The following PLCB1 variants were observed in gnomAD, a reference collection of about 807,000 sequenced individuals.
PLCB1 encodes phospholipase C beta 1.
PLCB1 carries 46 observed loss-of-function variants against 161.8 expected under a neutral mutation model. The ratio of observed to expected loss-of-function variants is 0.28; its 90% CI spans 0.22 to 0.36. PLCB1 has a LOEUF of 0.36. PLCB1 is among the 10% of genes least tolerant of loss of function. The pLI, the probability that PLCB1 is intolerant of heterozygous loss-of-function variation, is 1.00. For synonymous variants in PLCB1, 517 were observed against 503.7 expected, an observed-to-expected ratio of 1.03 and a Z score of -0.35; for missense variants, 1,016 against 1,472.5, an observed-to-expected ratio of 0.69 and a Z score of 5.07.
intron 3 of PLCB1, among the ~76,000 whole-genome samples, chr20:8,393,811 A>C (rs1348667844): frequency 4.6e-5 from 7 of 152,144 alleles, no homozygotes; most frequent in African/African-American, 1.2e-4. Flanking sequence ...ATTTATTATG[A>C]AGTTAACCAC....
intron 31 of PLCB1, among the ~76,000 whole-genome samples, chr20:8,796,857 T>A (rs1984051028): frequency 6.6e-6 from 1 of 152,248 alleles, no homozygotes; most frequent in South Asian, 2.1e-4. Flanking sequence ...TCATGGTTCA[T>A]TTAGATATGT....
At chr20:8,708,012 A>G (rs964999639) in intron 11 of PLCB1, among the ~76,000 whole-genome samples, 1 of 152,060 alleles carries the variant, frequency 6.6e-6, no homozygotes, top group Non-Finnish European at 1.5e-5. Flanking sequence ...GCCTGGGACT[A>G]GGTGTGTGGG....
intron 3 of PLCB1, among the ~76,000 whole-genome samples, chr20:8,541,258 C>G (rs1421262682): frequency 3.3e-5 from 5 of 152,178 alleles, no homozygotes; most frequent in African/African-American, 1.2e-4. Context: ...CACTAATGCT[C>G]TCCAAATATT....
chr20:8,825,772 A>G lies in PLCB1; in HGVS notation c.3423+35511A>G, dbSNP rs1309957188. 5.3e-5 allele frequency among the ~76,000 whole-genome samples: 8 copies of G among 152,196 alleles called. No individual in the cohort carries two copies. In the East Asian group the frequency reaches 1.3e-3, roughly 26 times the overall value. On this transcript the variant is annotated intron_variant, in intron 31 of 31. Coordinates refer to ENST00000338037, the MANE Select transcript of PLCB1 (RefSeq NM_015192.4). ...GGGTAGAAGGGGCAAGCGGGTTGCA[A>G]AAGATTAGCTAGGGATATTATGTTA... is the stretch of plus-strand genomic sequence containing the variant.
chr20:8,478,720 C>T (rs996495362), intron 3 of PLCB1, among the ~76,000 whole-genome samples: 1 of 151,980 alleles, frequency 6.6e-6, no homozygotes, highest in Non-Finnish European at 1.5e-5. Context: ...ATTTTTTCCT[C>T]AAAATTATAG....
chr20:8,543,730 T>C (rs562929049), intron 3 of PLCB1, among the ~76,000 whole-genome samples: 33 of 151,714 alleles, frequency 2.2e-4, no homozygotes, highest in Non-Finnish European at 4.1e-4. Flanking sequence ...GGGAGGGACC[T>C]TGGGGGTGGT....
At chr20:8,140,694 TTAAAAC>T (rs1411802906) in intron 1 of PLCB1, among the ~76,000 whole-genome samples, 2 of 152,356 alleles carry the variant, frequency 1.3e-5, no homozygotes, top group East Asian at 3.9e-4. Context: ...GAATAGGAAT[TTAAAAC>T]TACGTCTTCT....
chr20:8,871,630 G>C (rs772185971), intron 31 of PLCB1, among the ~76,000 whole-genome samples: 19 of 152,078 alleles, frequency 1.2e-4, no homozygotes, highest in Non-Finnish European at 2.8e-4. Flanking sequence ...GCCTTGCATG[G>C]GTCAGAGTGT....
At chr20:8,591,966 T>C (rs1490240168) in intron 3 of PLCB1, among the ~76,000 whole-genome samples, 1 of 152,130 alleles carries the variant, frequency 6.6e-6, no homozygotes, top group African/African-American at 2.4e-5. Context: ...TGCATATACA[T>C]CGTGAGATAT....
Position 8,596,611 on chromosome 20 carries a change from T to A in PLCB1, c.247-31683T>A, listed in dbSNP as rs1256866111. Among the ~76,000 whole-genome samples the A allele has an allele frequency of 1.2e-3, 119 of 99,928 alleles. No individual in the cohort carries two copies. In the South Asian group the frequency reaches 0.015, roughly 13 times the overall value. The allele number at this position is 99,928 out of a possible 152,430, so 65.6% of individuals were successfully genotyped here. ...TCTTTTTTTGGTTCCATATGAACTT[T>A]AAAGTAGTTTTTTCCAATTCTGTGA... is the stretch of plus-strand genomic sequence containing the variant. On this transcript the variant is annotated intron_variant, in intron 3 of 31. Coordinates refer to ENST00000338037, the MANE Select transcript of PLCB1 (RefSeq NM_015192.4).
At chr20:8,658,447 A>T in intron 8 of PLCB1, 91 bp from the exon 9 acceptor site, 1 of 983,276 alleles carries the variant, frequency 1.0e-6, no homozygotes, top group Non-Finnish European at 1.5e-6. Context: ...CTTATCAAGT[A>T]TAAGATTTTA....
intron 3 of PLCB1, among the ~76,000 whole-genome samples, chr20:8,539,615 ATTTT>A (rs1230707753): frequency 1.7e-5 from 2 of 117,264 alleles, no homozygotes; most frequent in Non-Finnish European, 1.8e-5. Context: ...TCTTTTCTTT[ATTTT>A]CTTTCTTTCT....
intron 9 of PLCB1, among the ~76,000 whole-genome samples, chr20:8,683,327 T>C (rs1433069123): frequency 6.6e-6 from 1 of 152,036 alleles, no homozygotes; most frequent in Non-Finnish European, 1.5e-5. Flanking sequence ...TCTCTCTGTT[T>C]ATCTCATTTC....
chr20:8,317,914 T>G (rs2122147910), intron 2 of PLCB1, among the ~76,000 whole-genome samples: 1 of 152,284 alleles, frequency 6.6e-6, no homozygotes, highest in Admixed American at 6.5e-5. Context: ...ACTCTCTTTT[T>G]TTAAAATTAT....
intron 9 of PLCB1, among the ~76,000 whole-genome samples, chr20:8,662,421 ATTAT>A (rs555975640): frequency 7.3e-5 from 9 of 124,106 alleles, no homozygotes; most frequent in Admixed American, 9.5e-5. Flanking sequence ...ATAATATATA[ATTAT>A]TTATTATATA....
At chr20:8,631,871 T>C (rs1988599135) in intron 4 of PLCB1, among the ~76,000 whole-genome samples, 1 of 152,052 alleles carries the variant, frequency 6.6e-6, no homozygotes, top group Admixed American at 6.6e-5. Context: ...ACTTGAAAAT[T>C]AGAGAATAAG....
At chr20:8,530,559 G>C (rs1386968983) in intron 3 of PLCB1, among the ~76,000 whole-genome samples, 2 of 152,044 alleles carry the variant, frequency 1.3e-5, no homozygotes, top group Non-Finnish European at 2.9e-5. Context: ...AATATGTTCA[G>C]CATGATACCA....
chr20:8,329,516 T>G (rs1568634146), intron 2 of PLCB1, among the ~76,000 whole-genome samples: 1 of 152,226 alleles, frequency 6.6e-6, no homozygotes, highest in Non-Finnish European at 1.5e-5. Context: ...TTGTTTGTTT[T>G]TTTGTTCTCA....
At chr20:8,244,081 G>C (rs1980750821) in intron 2 of PLCB1, among the ~76,000 whole-genome samples, 1 of 151,922 alleles carries the variant, frequency 6.6e-6, no homozygotes, top group African/African-American at 2.4e-5. Context: ...ATGTCCACTG[G>C]AATGGCAAAA....
Sources: gnomAD v4.1 joint callset for allele counts (sites outside exome capture counted in the v4.1 genomes callset) on GRCh38, gnomAD v4.1.1 for gene constraint, MANE v1.5 for transcripts, NCBI Gene and HGNC (gene_info 2026-07-23, HGNC 2026-07-21) for gene names.